DNAJC7: variants seen among roughly 807,000 people sequenced by gnomAD.
The protein encoded by DNAJC7 is dnaJ homolog subfamily C member 7.
Under a neutral mutation model 67.4 loss-of-function variants are expected in DNAJC7, and 18 were observed. That is an observed-to-expected ratio of 0.27 (90% confidence interval 0.18 to 0.40). DNAJC7 has a LOEUF of 0.40. Among genes scored for constraint, DNAJC7 ranks in the 10% least tolerant of loss-of-function variants. The pLI, the probability that DNAJC7 is intolerant of heterozygous loss-of-function variation, is 1.00. For missense variants in DNAJC7, 419 were observed against 613.8 expected (o/e 0.68, Z 3.35); for synonymous variants, 220 against 207.8 (o/e 1.06, Z -0.50).
chr17:41,995,099 G>C, intron 4 of DNAJC7, 155 bp from the exon 5 acceptor site: 1 of 693,476 alleles, frequency 1.4e-6, no homozygotes. Context: ...CTCCTGTTGT[G>C]AATGGCCATT....
intron 1 of DNAJC7, among the ~76,000 whole-genome samples, chr17:42,005,603 C>T (rs1258254936): frequency 6.6e-6 from 1 of 152,194 alleles, no homozygotes; most frequent in African/African-American, 2.4e-5. Flanking sequence ...TGAGATTCTT[C>T]ATCATTTTAA....
chr17:41,982,043 T>G, intron 11 of DNAJC7, 36 bp from the exon 12 acceptor site: 1 of 1,589,990 alleles, frequency 6.3e-7, no homozygotes, highest in South Asian at 1.2e-5. Context: ...TCAGTGGAAA[T>G]CAAAGTTTCA....
At position 41,995,023 on chromosome 17, in the gene DNAJC7, G is replaced by C. The variant is rs2051618638; in HGVS notation, c.406-79C>G. On this transcript the variant is annotated intron_variant, in intron 4 of 13. Transcript: ENST00000457167. ...ACCACAAAAAAATTAACAAGGCCTT[G>C]ATGAATTTGAATTCAGTAAATATAC... The C allele has an allele frequency of 8.2e-6, 10 of 1,217,560 alleles. No homozygotes were observed. The South Asian group carries it at 8.5e-5, about 10-fold the overall frequency. 75.4% of individuals were successfully genotyped at this position (1,217,560 alleles called of 1,614,324 possible).
intron 1 of DNAJC7, chr17:42,016,371 T>C (rs1169062981): frequency 3.3e-5 from 5 of 152,218 alleles, no homozygotes; most frequent in African/African-American, 1.2e-4. Flanking sequence ...ATAAAGTATG[T>C]TGCAAAGAGA....
At chr17:42,001,645 A>G (rs189361491) in intron 1 of DNAJC7, among the ~76,000 whole-genome samples, 32 of 152,308 alleles carry the variant, frequency 2.1e-4, no homozygotes, top group Admixed American at 2.1e-3. Context: ...TCACATGCAA[A>G]AAAGAACCTA....
chr17:41,990,142 C>T, intron 6 of DNAJC7, 122 bp downstream of exon 6: 1 of 916,916 alleles, frequency 1.1e-6, no homozygotes, highest in East Asian at 2.7e-5. Flanking sequence ...CTTTAAGTCC[C>T]AAGAGGGTCT....
chr17:42,000,389 G>A, intron 2 of DNAJC7, 93 bp downstream of exon 2: 1 of 956,810 alleles, frequency 1.0e-6, no homozygotes, highest in East Asian at 2.5e-5. Context: ...AAAGTGCTGG[G>A]ATTACAGGCG....
chr17:42,012,657 A>G (rs546769543), intron 1 of DNAJC7, among the ~76,000 whole-genome samples: 8 of 152,378 alleles, frequency 5.3e-5, no homozygotes, highest in African/African-American at 1.9e-4. Flanking sequence ...GCCTTAAGTT[A>G]GTTGAAATGT....
chr17:42,003,235 A>G (rs1296396486), intron 1 of DNAJC7: 1 of 152,244 alleles, frequency 6.6e-6, no homozygotes, highest in Non-Finnish European at 1.5e-5. Flanking sequence ...ATGGGCACTT[A>G]GTGCTTTTAG....
chr17:41,999,020 T>C (rs1555649048), intron 2 of DNAJC7, among the ~76,000 whole-genome samples: 1 of 151,818 alleles, frequency 6.6e-6, no homozygotes, highest in Non-Finnish European at 1.5e-5. Flanking sequence ...ACCCTGTCTC[T>C]ATTTTAAAAA....
chr17:41,995,194 T>C (rs548203683), intron 4 of DNAJC7, among the ~76,000 whole-genome samples: 7 of 152,142 alleles, frequency 4.6e-5, no homozygotes, highest in Non-Finnish European at 5.9e-5. Flanking sequence ...CGACCTCTCA[T>C]AGAAGTCCCT....
At chr17:41,994,846 G>C in intron 5 of DNAJC7, 24 bp downstream of exon 5, 1 of 1,610,368 alleles carries the variant, frequency 6.2e-7, no homozygotes, top group Non-Finnish European at 8.5e-7. Flanking sequence ...GAGCAGATGA[G>C]ATTATCTCAT....
At chr17:42,012,451 C>T (rs2052145693) in intron 1 of DNAJC7, among the ~76,000 whole-genome samples, 1 of 152,214 alleles carries the variant, frequency 6.6e-6, no homozygotes, top group African/African-American at 2.4e-5. Flanking sequence ...CCACTGCACT[C>T]CAGCCTGGTG....
rs1367483763 is a variant in DNAJC7 at position 41,983,615 on chromosome 17, A to G, written c.1032T>C (p.Tyr344=). The change falls in exon 10 of 14, where the codon TAT becomes TAC. Residue 344 remains tyrosine (Y), a synonymous_variant. Coordinates refer to ENST00000457167, the MANE Select transcript of DNAJC7 (RefSeq NM_003315.4). The part of the protein sequence containing the change: ...RAQCYMDTEQ[Y]EEAVRDYEKV... ...TTTCATAGTCTCGTACTGCTTCTTC[A>G]TACTGTTCTGTGTCCATGTAACTGA... 3 of 1,603,476 alleles carry G rather than the reference A, an allele frequency of 1.9e-6. No homozygotes were observed. Among genetic ancestry groups the G allele is most frequent in the African/African-American group, 2.7e-5 (2 of 74,842 alleles).
At chr17:42,004,092 T>A (rs576961270) in intron 1 of DNAJC7, among the ~76,000 whole-genome samples, 137 of 151,802 alleles carry the variant, frequency 9.0e-4, no homozygotes, top group African/African-American at 2.9e-3. Context: ...GTAGCTGGGA[T>A]TACAGGCATG....
At chr17:42,006,455 A>T (rs2051959190) in intron 1 of DNAJC7, among the ~76,000 whole-genome samples, 1 of 151,822 alleles carries the variant, frequency 6.6e-6, no homozygotes, top group Non-Finnish European at 1.5e-5. Context: ...AGGCTGCAGC[A>T]AACCATGTTC....
intron 6 of DNAJC7, 69 bp from the exon 7 acceptor site, chr17:41,989,626 G>T: frequency 6.4e-7 from 1 of 1,571,062 alleles, no homozygotes. Context: ...ACCATTTGTG[G>T]CCAGTTTTCC....
intron 12 of DNAJC7, 44 bp from the exon 13 acceptor site, chr17:41,977,367 A>G (rs1555645140): frequency 1.6e-5 from 24 of 1,518,694 alleles, no homozygotes; most frequent in Non-Finnish European, 2.2e-5. Flanking sequence ...AAAAGGTGAA[A>G]AATTAGAAAT....
At chr17:41,978,755 C>T (rs1471306785) in intron 12 of DNAJC7, among the ~76,000 whole-genome samples, 1 of 152,180 alleles carries the variant, frequency 6.6e-6, no homozygotes, top group Non-Finnish European at 1.5e-5. Context: ...TGGCAGGTGC[C>T]TGTAGTCCCA....
Sources: allele counts gnomAD v4.1 joint callset (sites outside exome capture counted in the v4.1 genomes callset), GRCh38; gene constraint gnomAD v4.1.1; transcripts MANE v1.5; gene names NCBI Gene and HGNC (gene_info 2026-07-23, HGNC 2026-07-21).